ARHGAP28: variants seen among roughly 807,000 people sequenced by gnomAD.
The protein encoded by ARHGAP28 is Rho GTPase activating protein 28.
In ARHGAP28, 56 loss-of-function variants were observed where a neutral mutation model predicts 90.7. That is an observed-to-expected ratio of 0.62 (90% CI 0.50 to 0.77). The LOEUF (loss-of-function observed/expected upper bound fraction) is 0.77. ARHGAP28 is among the 30% of genes least tolerant of loss of function. ARHGAP28 has a pLI of 0.00. For synonymous variants in ARHGAP28, 308 were observed against 323.3 expected (o/e 0.95, Z 0.51); for missense variants, 869 against 900.9 (o/e 0.96, Z 0.45).
At chr18:6,878,620 T>A (rs1010822238) in intron 10 of ARHGAP28, among the ~76,000 whole-genome samples, 3 of 152,216 alleles carry the variant, frequency 2.0e-5, no homozygotes, top group Non-Finnish European at 4.4e-5. Flanking sequence ...TTCAGAAAGT[T>A]ATTATAGGCA....
chr18:6,791,798 C>A (rs180963940), intron 1 of ARHGAP28: 2 of 151,166 alleles, frequency 1.3e-5, no homozygotes, highest in African/African-American at 4.9e-5. Flanking sequence ...ATTTAGAATT[C>A]TATAAAGTGC....
intron 5 of ARHGAP28, among the ~76,000 whole-genome samples, chr18:6,864,363 CTGTT>C (rs1480046193): frequency 1.3e-5 from 2 of 152,280 alleles, no homozygotes; most frequent in South Asian, 4.1e-4. Flanking sequence ...CACACTGGGC[CTGTT>C]TAATTTTTTA....
Position 6,890,033 on chromosome 18 carries a change from C to G in ARHGAP28, c.1682C>G (p.Thr561Ser). ...SDYEELLLAN[T>S]AAHIIRLMLK... Reference sequence around the variant, plus strand: ...TATGAAGAATTACTGTTAGCAAACACTGCGGCCCACATCATCCGCCTAATG... The same window carrying G: ...TATGAAGAATTACTGTTAGCAAACAGTGCGGCCCACATCATCCGCCTAATG... The change falls in exon 13 of 18, where the codon ACT becomes AGT. Residue 561 changes from threonine (T) to serine (S), a missense_variant. Thr to Ser is a moderately conservative substitution (Grantham distance 58). Transcript: ENST00000383472. The G allele has an allele frequency of 6.2e-7, 1 of 1,614,216 alleles. No homozygotes were observed. Among genetic ancestry groups the G allele is most frequent in the Non-Finnish European group, 8.5e-7 (1 of 1,180,044 alleles).
At chr18:6,787,402 G>T (rs1415862867) in intron 1 of ARHGAP28, among the ~76,000 whole-genome samples, 1 of 151,762 alleles carries the variant, frequency 6.6e-6, no homozygotes, top group Admixed American at 6.6e-5. Flanking sequence ...CATGTTTTAG[G>T]TAGAGATCAT....
At chr18:6,761,454 T>G (rs952786356) in intron 1 of ARHGAP28, among the ~76,000 whole-genome samples, 1 of 152,200 alleles carries the variant, frequency 6.6e-6, no homozygotes, top group African/African-American at 2.4e-5. Flanking sequence ...TCACAGATCT[T>G]GGAGTCTAGC....
At chr18:6,772,632 G>A (rs1325577221) in intron 1 of ARHGAP28, among the ~76,000 whole-genome samples, 1 of 152,172 alleles carries the variant, frequency 6.6e-6, no homozygotes, top group Non-Finnish European at 1.5e-5. Flanking sequence ...CACGTTTATG[G>A]TAGGCTAGGG....
At chr18:6,823,063 G>A (rs1049672177) in intron 1 of ARHGAP28, among the ~76,000 whole-genome samples, 1 of 152,172 alleles carries the variant, frequency 6.6e-6, no homozygotes, top group African/African-American at 2.4e-5. Context: ...GCTCTTGTTT[G>A]AGTGAAACAG....
intron 1 of ARHGAP28, among the ~76,000 whole-genome samples, chr18:6,813,423 C>G (rs2056570147): frequency 6.6e-6 from 1 of 152,176 alleles, no homozygotes; most frequent in South Asian, 2.1e-4. Flanking sequence ...TTTATTGGTT[C>G]ACTTTCAGAT....
chr18:6,760,703 G>A (rs1267495195), intron 1 of ARHGAP28, among the ~76,000 whole-genome samples: 2 of 152,116 alleles, frequency 1.3e-5, no homozygotes, highest in African/African-American at 2.4e-5. Flanking sequence ...TCTCAATTTA[G>A]CTATTGCAAT....
chr18:6,905,364 G>C (rs1463793203), intron 16 of ARHGAP28, among the ~76,000 whole-genome samples: 1 of 151,920 alleles, frequency 6.6e-6, no homozygotes, highest in Non-Finnish European at 1.5e-5. Context: ...CCAACACCGA[G>C]TCATGATAAA....
chr18:6,911,212 C>T (rs1036775177), intron 17 of ARHGAP28, among the ~76,000 whole-genome samples: 1 of 152,136 alleles, frequency 6.6e-6, no homozygotes, highest in Non-Finnish European at 1.5e-5. Flanking sequence ...TACGTTTGCC[C>T]CAGGAAATGA....
intron 3 of ARHGAP28, among the ~76,000 whole-genome samples, chr18:6,838,192 C>T (rs971015463): frequency 6.6e-6 from 1 of 152,162 alleles, no homozygotes; most frequent in Non-Finnish European, 1.5e-5. Flanking sequence ...ATTCTTGAAA[C>T]ATTTGGGATA....
At chr18:6,761,056 A>G (rs1046710295) in intron 1 of ARHGAP28, among the ~76,000 whole-genome samples, 2 of 152,178 alleles carry the variant, frequency 1.3e-5, no homozygotes, top group Admixed American at 6.5e-5. Flanking sequence ...GTAAACATAC[A>G]CAAAACAGCA....
At chr18:6,777,221 GGGAGACTCACCT>G (rs1292817901) in intron 1 of ARHGAP28, among the ~76,000 whole-genome samples, 1 of 152,156 alleles carries the variant, frequency 6.6e-6, no homozygotes, top group Admixed American at 6.5e-5. Flanking sequence ...ATATGTTTAA[GGGAGACTCACCT>G]GGATTTGTGA....
At chr18:6,844,960 G>A (rs2056855568) in intron 3 of ARHGAP28, among the ~76,000 whole-genome samples, 2 of 152,200 alleles carry the variant, frequency 1.3e-5, no homozygotes, top group African/African-American at 2.4e-5. Flanking sequence ...AAGTGTGGGG[G>A]AAGATGTCAG....
intron 2 of ARHGAP28, among the ~76,000 whole-genome samples, chr18:6,828,094 A>C (rs1272631607): frequency 6.6e-6 from 1 of 152,188 alleles, no homozygotes; most frequent in African/African-American, 2.4e-5. Context: ...TCCGTCTGCA[A>C]TCCCGGCACC....
intron 1 of ARHGAP28, among the ~76,000 whole-genome samples, chr18:6,821,256 A>T (rs925273573): frequency 6.6e-6 from 1 of 150,564 alleles, no homozygotes; most frequent in Non-Finnish European, 1.5e-5. Flanking sequence ...AAAAAATAGA[A>T]TAATAAAATC....
intron 3 of ARHGAP28, among the ~76,000 whole-genome samples, chr18:6,839,487 C>T (rs2056785077): frequency 6.6e-6 from 1 of 152,046 alleles, no homozygotes. Flanking sequence ...GTAGTAGAGA[C>T]AGGGTTTCAC....
At chr18:6,810,097 G>A (rs2056546075) in intron 1 of ARHGAP28, among the ~76,000 whole-genome samples, 1 of 152,066 alleles carries the variant, frequency 6.6e-6, no homozygotes, top group South Asian at 2.1e-4. Flanking sequence ...GCTGATTGTT[G>A]AGAAAGTTCG....
Sources: allele counts gnomAD v4.1 joint callset (sites outside exome capture counted in the v4.1 genomes callset), GRCh38; gene constraint gnomAD v4.1.1; transcripts MANE v1.5; gene names NCBI Gene and HGNC (gene_info 2026-07-23, HGNC 2026-07-21).